CORO1C: variants seen among roughly 807,000 people sequenced by gnomAD.
CORO1C encodes coronin-1C.
Under a neutral mutation model 51.2 loss-of-function variants are expected in CORO1C, and 14 were observed. The observed-to-expected ratio is 0.27, with a 90% CI of 0.18 to 0.43. CORO1C has a LOEUF of 0.43. CORO1C is among the 20% of genes least tolerant of loss of function. CORO1C has a pLI of 1.00. For missense variants in CORO1C, 417 were observed against 607.8 expected (o/e 0.69, Z 3.30); for synonymous variants, 181 against 210.5 (o/e 0.86, Z 1.21).
At position 108,689,057 on chromosome 12, in the gene CORO1C, G is replaced by A. The variant is rs984844699; in HGVS notation, c.196-10663C>T. 1.3e-4 allele frequency among the ~76,000 whole-genome samples: 19 copies of A among 144,578 alleles called. No individual in the cohort carries two copies. In the East Asian group the frequency reaches 2.1e-3, roughly 16 times the overall value. The allele number at this position is 144,578 out of a possible 152,430, so 94.8% of individuals were successfully genotyped here. ...GAAAAAAAAAAAAAAAAAATTAGCC[G>A]GGCATGGTGTTGGGCACCTGTAATC... On this transcript the variant is annotated intron_variant, in intron 2 of 10. Transcript: ENST00000261401.
chr12:108,649,150 C>T lies in CORO1C; in HGVS notation c.1002-130G>A, dbSNP rs115372608. ...TCTTTACCCATCCCCACATCTGATC[C>T]ACCCCGGGAATAGGCAGAATTTAGT... On this transcript the variant is annotated intron_variant, in intron 8 of 10. Transcript: ENST00000261401. 5.3e-4 allele frequency: 537 copies of T among 1,018,558 alleles called. 2 individuals are homozygous for T. In the African/African-American group the frequency reaches 7.7e-3, roughly 15 times the overall value. 63.1% of individuals were successfully genotyped at this position (1,018,558 alleles called of 1,614,324 possible).
At chr12:108,656,368 G>A (rs532244165) in intron 6 of CORO1C, among the ~76,000 whole-genome samples, 172 of 74,326 alleles carry the variant, frequency 2.3e-3, no homozygotes, top group African/African-American at 7.5e-3. Flanking sequence ...CAGCCGCCCC[G>A]TCCGGGAGGG....
chr12:108,674,114 GATTAACGTTGTTTTCACCT>G lies in CORO1C; in HGVS notation c.318+4139_318+4157del, dbSNP rs748376685. Among the ~76,000 whole-genome samples the G allele has an allele frequency of 3.4e-4, 52 of 152,294 alleles. 1 individual carries two copies. Among genetic ancestry groups the G allele is most frequent in the Non-Finnish European group, 2.9e-4 (20 of 68,032 alleles). ...GACCTCTGATGAAAATGTACAAGGA[GATTAACGTTGTTTTCACCT>G]GCTAACATCAATTCTGCAGCCCTTG... On this transcript the variant is annotated intron_variant, in intron 3 of 10. Transcript: ENST00000261401.
At chr12:108,680,510 C>A (rs1255427695) in intron 2 of CORO1C, among the ~76,000 whole-genome samples, 2 of 152,224 alleles carry the variant, frequency 1.3e-5, no homozygotes, top group African/African-American at 4.8e-5. Context: ...TGGTTGAGAA[C>A]CAGACTGCCC....
At chr12:108,648,529 C>A in intron 10 of CORO1C, 76 bp downstream of exon 10, 1 of 1,588,612 alleles carries the variant, frequency 6.3e-7, no homozygotes, top group South Asian at 1.1e-5. Context: ...TACTCGCCGA[C>A]GCCCTGGACC....
intron 1 of CORO1C, among the ~76,000 whole-genome samples, chr12:108,705,953 G>A (rs1015366324): frequency 6.6e-6 from 1 of 152,152 alleles, no homozygotes; most frequent in African/African-American, 2.4e-5. Context: ...TTGGGAGGCT[G>A]AGGCAGGGGG....
At chr12:108,719,635 A>G (rs1011557712) in intron 1 of CORO1C, among the ~76,000 whole-genome samples, 2 of 152,200 alleles carry the variant, frequency 1.3e-5, no homozygotes, top group African/African-American at 2.4e-5. Flanking sequence ...GGCAGGGCAC[A>G]CCTAGAGGTC....
At chr12:108,713,366 T>C (rs2035237839) in intron 1 of CORO1C, among the ~76,000 whole-genome samples, 1 of 152,186 alleles carries the variant, frequency 6.6e-6, no homozygotes, top group African/African-American at 2.4e-5. Flanking sequence ...ACACCAGGAA[T>C]GGTAAAAATT....
In CORO1C at chr12:108,658,629, A is replaced by G; in HGVS notation, c.630+109T>C. 2.0e-6 allele frequency: 2 copies of G among 1,019,778 alleles called. No individual in the cohort carries two copies. Among genetic ancestry groups the G allele is most frequent in the South Asian group, 3.4e-5 (2 of 58,178 alleles). The allele number at this position is 1,019,778 out of a possible 1,614,324, so 63.2% of individuals were successfully genotyped here. A position where few individuals can be genotyped will look rare whatever the true frequency, so the allele number is the denominator to read the frequency against. On this transcript the variant is annotated intron_variant, in intron 5 of 10. Coordinates refer to ENST00000261401, the MANE Select transcript of CORO1C (RefSeq NM_014325.4). The surrounding 1 kb of genome is among the most constrained non-coding windows in gnomAD (Gnocchi z 4.9). ...CTTCTCTTATTCACAGTTGGTGTCT[A>G]CACACAACAGGGTCCCACTGACCAG...
intron 3 of CORO1C, among the ~76,000 whole-genome samples, chr12:108,664,373 C>T (rs540476017): frequency 6.6e-6 from 1 of 152,322 alleles, no homozygotes; most frequent in South Asian, 2.1e-4. Context: ...TAGGGTTCAG[C>T]TCAGTTCTAC....
intron 2 of CORO1C, among the ~76,000 whole-genome samples, chr12:108,691,029 T>C (rs1293421674): frequency 2.0e-5 from 3 of 151,020 alleles, no homozygotes; most frequent in Non-Finnish European, 4.4e-5. Flanking sequence ...TCCACAGGTC[T>C]CAGAATGAAA....
intron 3 of CORO1C, among the ~76,000 whole-genome samples, chr12:108,677,502 A>G (rs1303839270): frequency 6.6e-6 from 1 of 152,238 alleles, no homozygotes; most frequent in East Asian, 1.9e-4. Context: ...GCTTGGAAAC[A>G]AGCAATTGCA....
intron 2 of CORO1C, 124 bp from the exon 3 acceptor site, chr12:108,678,518 G>A (rs908816186): frequency 3.5e-5 from 26 of 739,602 alleles, no homozygotes; most frequent in African/African-American, 3.1e-4. Flanking sequence ...ATATGACATC[G>A]TATAGTCAAT....
At position 108,678,216 on chromosome 12, in the gene CORO1C, G is replaced by C. The variant is rs1157041363; in HGVS notation, c.318+56C>G. The C allele has an allele frequency of 2.6e-6, 4 of 1,547,008 alleles. No individual in the cohort carries two copies. The East Asian group carries it at 9.3e-5, about 36-fold the overall frequency. On this transcript the variant is annotated intron_variant, in intron 3 of 10. Coordinates refer to ENST00000261401, the MANE Select transcript of CORO1C (RefSeq NM_014325.4). ...CACACACACCCACACACATGCTTTT[G>C]AAAGCAGTAGGTGAGTCTCACTGGC...
chr12:108,705,570 T>C (rs2035006329), intron 1 of CORO1C, among the ~76,000 whole-genome samples: 1 of 150,000 alleles, frequency 6.7e-6, no homozygotes, highest in South Asian at 2.1e-4. Context: ...TACCAAGTAC[T>C]CACAAAATTT....
chr12:108,681,247 A>G (rs1204584819), intron 2 of CORO1C, among the ~76,000 whole-genome samples: 1 of 152,266 alleles, frequency 6.6e-6, no homozygotes, highest in Non-Finnish European at 1.5e-5. Flanking sequence ...AAATAGACAA[A>G]CCAAAAGGAG....
In CORO1C at chr12:108,654,682, T is replaced by A. The variant is rs2032852661; in HGVS notation, c.751-272A>T. Among the ~76,000 whole-genome samples, 3 of 151,530 alleles carry A rather than the reference T, an allele frequency of 2.0e-5. No homozygotes were observed. The South Asian group carries it at 6.3e-4, about 32-fold the overall frequency. ...CATGACAATGATGAGAAAGCCCTTC[T>A]CCTTTGTTACTGTTTTCTTTTTCTT... On this transcript the variant is annotated intron_variant, in intron 6 of 10. Transcript: ENST00000261401.
chr12:108,684,139 A>G (rs78181570), intron 2 of CORO1C, among the ~76,000 whole-genome samples: 11,257 of 152,252 alleles, frequency 0.074, 626 homozygotes, highest in East Asian at 0.32. Flanking sequence ...CAAATTACAC[A>G]AGCAGAGAAC....
rs1565895730 is a variant in CORO1C at position 108,646,166 on chromosome 12, G to T, written c.*1237C>A. 1 of 152,276 alleles carries T rather than the reference G, an allele frequency of 6.6e-6. No individual in the cohort carries two copies. The highest frequency in any genetic ancestry group is 1.5e-5 in the Non-Finnish European group (1 of 68,084). 9.4% of individuals were successfully genotyped at this position (152,276 alleles called of 1,614,324 possible). A position where few individuals can be genotyped will look rare whatever the true frequency, so the allele number is the denominator to read the frequency against. On this transcript the variant is annotated 3_prime_UTR_variant, in exon 11 of 11. Coordinates refer to ENST00000261401, the MANE Select transcript of CORO1C (RefSeq NM_014325.4). ...TCATTCAATCGCACCCTCTGGCCTT[G>T]TCTTAGCTTAATGTGGTTAGAGCTA...
Sources: gnomAD v4.1 joint callset for allele counts (sites outside exome capture counted in the v4.1 genomes callset) on GRCh38, gnomAD v4.1.1 for gene constraint, Gnocchi (gnomAD v3.1) non-coding constraint, MANE v1.5 for transcripts, NCBI Gene and HGNC (gene_info 2026-07-23, HGNC 2026-07-21) for gene names.